The following SPAG16 variants were observed in gnomAD, a reference collection of about 807,000 sequenced individuals.
SPAG16 encodes the protein sperm-associated antigen 16 protein.
A neutral mutation model predicts 80.4 loss-of-function variants in SPAG16; 86 were observed. The ratio of observed to expected loss-of-function variants is 1.07; its 90% CI spans 0.90 to 1.28. The LOEUF (loss-of-function observed/expected upper bound fraction) is 1.28, where lower values mean the gene tolerates loss of function less well. Ranked by LOEUF, SPAG16 falls within the 50% of genes most tolerant of loss-of-function variation. The probability of loss-of-function intolerance (pLI) is 0.00; values close to 1 mark genes in which losing one functional copy is unlikely to be tolerated. For synonymous variants in SPAG16, 294 were observed against 265.9 expected (o/e 1.11, Z -1.03); for missense variants, 870 against 765.3 (o/e 1.14, Z -1.61).
rs1037383762 is a variant in SPAG16, at chr2:213,713,357, G to A, written c.1071-149128G>A. ...AGAGAACTGGGAGAAGTCTTGAATA[G>A]GACTTTGTCCAAGATGTCCTGCTGA... On this transcript the variant is annotated intron_variant, in intron 10 of 15. Transcript: ENST00000331683. 3.3e-5 allele frequency among the ~76,000 whole-genome samples: 5 copies of A among 152,234 alleles called. No homozygotes were observed. In the East Asian group the frequency reaches 9.6e-4, roughly 29 times the overall value.
chr2:213,321,192 T>C (rs2126147782), intron 5 of SPAG16, among the ~76,000 whole-genome samples: 1 of 152,222 alleles, frequency 6.6e-6, no homozygotes, highest in South Asian at 2.1e-4. Context: ...TGTATTATTC[T>C]TGATTATACT....
chr2:214,064,255 G>A (rs2050424405), intron 13 of SPAG16, among the ~76,000 whole-genome samples: 2 of 152,042 alleles, frequency 1.3e-5, no homozygotes, highest in Non-Finnish European at 2.9e-5. Flanking sequence ...TCTGTGGAGA[G>A]AGGACACTTT....
chr2:214,376,818 G>GT (rs1201381156), intron 15 of SPAG16, among the ~76,000 whole-genome samples: 2 of 152,206 alleles, frequency 1.3e-5, no homozygotes, highest in Admixed American at 1.3e-4. Context: ...TAAATGTTGA[G>GT]TAAATCACAT....
intron 9 of SPAG16, among the ~76,000 whole-genome samples, chr2:213,416,546 G>GTTTTTTTTTT (rs1480038020): frequency 9.7e-6 from 1 of 103,246 alleles, no homozygotes; most frequent in African/African-American, 2.6e-5. Context: ...TACTTGACTT[G>GTTTTTTTTTT]TTTTTTCTTT....
intron 9 of SPAG16, chr2:213,396,751 G>C: frequency 1.6e-5 from 7 of 431,802 alleles, no homozygotes; most frequent in South Asian, 1.2e-4. Context: ...CTGAGCAACA[G>C]GTGTTCCTGG....
At chr2:213,348,458 G>C (rs2065127296) in intron 6 of SPAG16, among the ~76,000 whole-genome samples, 1 of 152,142 alleles carries the variant, frequency 6.6e-6, no homozygotes, top group Non-Finnish European at 1.5e-5. Context: ...AGTTGATGCA[G>C]TTTCTTCCTA....
chr2:213,606,881 C>T (rs188196909), intron 10 of SPAG16, among the ~76,000 whole-genome samples: 2 of 152,018 alleles, frequency 1.3e-5, no homozygotes, highest in East Asian at 1.9e-4. Flanking sequence ...GAAACAATGG[C>T]GAATAATCTA....
chr2:214,166,869 AAATG>A (rs2056676868), intron 15 of SPAG16, among the ~76,000 whole-genome samples: 1 of 152,284 alleles, frequency 6.6e-6, no homozygotes, highest in African/African-American at 2.4e-5. Context: ...GAAAGAGAAA[AAATG>A]AAAATAAATA....
At chr2:214,041,918 A>G (rs2049027185) in intron 13 of SPAG16, among the ~76,000 whole-genome samples, 1 of 146,238 alleles carries the variant, frequency 6.8e-6, no homozygotes. Context: ...TATTATATAT[A>G]TCTTTTGTGT....
At chr2:213,372,173 TTTGA>T (rs1416155336) in intron 8 of SPAG16, among the ~76,000 whole-genome samples, 1 of 152,184 alleles carries the variant, frequency 6.6e-6, no homozygotes, top group Admixed American at 6.5e-5. Context: ...ATCTACTGGT[TTTGA>T]TTGTCATCCT....
chr2:213,778,598 C>T (rs966072935), intron 10 of SPAG16, among the ~76,000 whole-genome samples: 1 of 152,144 alleles, frequency 6.6e-6, no homozygotes, highest in African/African-American at 2.4e-5. Flanking sequence ...GGCCATAAGT[C>T]AAGAGCTTAC....
At chr2:213,985,685 G>A (rs538905835) in intron 12 of SPAG16, among the ~76,000 whole-genome samples, 3 of 152,164 alleles carry the variant, frequency 2.0e-5, no homozygotes, top group Admixed American at 1.3e-4. Flanking sequence ...AAACTGGGAC[G>A]ATAATCAGCA....
intron 14 of SPAG16, among the ~76,000 whole-genome samples, chr2:214,148,170 T>C (rs1250752505): frequency 1.3e-5 from 2 of 152,126 alleles, no homozygotes; most frequent in South Asian, 2.1e-4. Context: ...GACAAAGAAA[T>C]TAAATGACCA....
chr2:213,575,956 T>A (rs1003882788), intron 10 of SPAG16, among the ~76,000 whole-genome samples: 1 of 152,208 alleles, frequency 6.6e-6, no homozygotes, highest in Non-Finnish European at 1.5e-5. Context: ...TTTCTTTTGC[T>A]TTTTGTTTGG....
chr2:214,116,316 G>T (rs577509700), intron 14 of SPAG16, among the ~76,000 whole-genome samples: 1 of 152,316 alleles, frequency 6.6e-6, no homozygotes, highest in Non-Finnish European at 1.5e-5. Flanking sequence ...CTTGTACAAG[G>T]ATACAGAAGG....
intron 10 of SPAG16, among the ~76,000 whole-genome samples, chr2:213,762,216 A>G (rs1349261816): frequency 6.6e-6 from 1 of 152,202 alleles, no homozygotes; most frequent in African/African-American, 2.4e-5. Flanking sequence ...GGAAGGGAGA[A>G]TGAGGAGTTA....
intron 9 of SPAG16, among the ~76,000 whole-genome samples, chr2:213,379,978 C>T (rs1279780463): frequency 6.6e-6 from 1 of 152,196 alleles, no homozygotes; most frequent in Non-Finnish European, 1.5e-5. Flanking sequence ...CTGAGGTCAT[C>T]AGTTGGTGAG....
chr2:214,271,769 C>T (rs552115951), intron 15 of SPAG16, among the ~76,000 whole-genome samples: 1 of 151,666 alleles, frequency 6.6e-6, no homozygotes, highest in South Asian at 2.1e-4. Context: ...CACTGCACTC[C>T]AGCCTGAGGG....
At chr2:213,579,176 A>G (rs1324922106) in intron 10 of SPAG16, among the ~76,000 whole-genome samples, 1 of 152,070 alleles carries the variant, frequency 6.6e-6, no homozygotes, top group Non-Finnish European at 1.5e-5. Context: ...GAGTTTGTTT[A>G]TTGTATAAAT....
Sources: gnomAD v4.1 joint callset for allele counts (sites outside exome capture counted in the v4.1 genomes callset) on GRCh38, gnomAD v4.1.1 for gene constraint, MANE v1.5 for transcripts, NCBI Gene and HGNC (gene_info 2026-07-23, HGNC 2026-07-21) for gene names.